Variants in TANC2 observed in about 807,000 individuals in gnomAD.
TANC2 encodes protein TANC2.
A neutral mutation model predicts 210.5 loss-of-function variants in TANC2; 26 were observed. The ratio of observed to expected loss-of-function variants is 0.12; its 90% CI spans 0.09 to 0.17. The LOEUF is 0.17. Ranked by LOEUF, TANC2 falls within the 10% of genes least tolerant of loss-of-function variation. The pLI is 1.00. For missense variants in TANC2, 2,129 were observed against 2,608.9 expected (o/e 0.82, Z 4.01); for synonymous variants, 931 against 967.1 (o/e 0.96, Z 0.69).
chr17:63,258,970 G>T (rs1054696399), intron 8 of TANC2, among the ~76,000 whole-genome samples: 1 of 152,158 alleles, frequency 6.6e-6, no homozygotes, highest in East Asian at 1.9e-4. Flanking sequence ...CTCATCCAAG[G>T]CCTGTGGCAA....
At chr17:63,023,926 A>T (rs1006886826) in intron 2 of TANC2, among the ~76,000 whole-genome samples, 3 of 152,196 alleles carry the variant, frequency 2.0e-5, no homozygotes, top group Admixed American at 6.5e-5. Flanking sequence ...CAATTCTGTA[A>T]TAGTGCTTCT....
chr17:63,271,682 C>T (rs1252460643), intron 9 of TANC2, among the ~76,000 whole-genome samples: 1 of 148,174 alleles, frequency 6.7e-6, no homozygotes, highest in Non-Finnish European at 1.5e-5. Flanking sequence ...CCATTGAGCT[C>T]TTCTTCATAA....
chr17:63,251,063 G>T (rs1303046381), intron 8 of TANC2, among the ~76,000 whole-genome samples: 2 of 152,144 alleles, frequency 1.3e-5, no homozygotes, highest in African/African-American at 2.4e-5. Flanking sequence ...AGTATCATGT[G>T]CAGGGCACTC....
chr17:63,073,808 A>C, intron 2 of TANC2, 135 bp from the exon 3 acceptor site: 1 of 855,322 alleles, frequency 1.2e-6, no homozygotes, highest in Non-Finnish European at 1.7e-6. Flanking sequence ...AAAATCCTCA[A>C]ATATTTTAAT....
exon 8 of TANC2, chr17:63,237,923 C>T: frequency 3.2e-6 from 5 of 1,584,534 alleles, no homozygotes; most frequent in Non-Finnish European, 4.3e-6. Flanking sequence ...CTCAAAAATC[C>T]AGCATGGACT....
At chr17:63,030,046 A>G (rs2034706494) in intron 2 of TANC2, among the ~76,000 whole-genome samples, 1 of 152,146 alleles carries the variant, frequency 6.6e-6, no homozygotes, top group Non-Finnish European at 1.5e-5. Flanking sequence ...ACTTTGCATT[A>G]TATCCTTAAA....
At chr17:63,193,886 A>G in intron 5 of TANC2, 105 bp from the exon 6 acceptor site, 1 of 1,264,576 alleles carries the variant, frequency 7.9e-7, no homozygotes, top group Non-Finnish European at 1.0e-6. Flanking sequence ...TTTTGAGTTA[A>G]AATGTGAAAA....
chr17:63,261,925 G>A (rs2043369275), intron 8 of TANC2, among the ~76,000 whole-genome samples: 1 of 152,146 alleles, frequency 6.6e-6, no homozygotes, highest in African/African-American at 2.4e-5. Context: ...CTTTAACTAT[G>A]TTTAGATGAT....
In TANC2 at chr17:63,014,160, T is replaced by C. The variant is rs183397707; in HGVS notation, c.67+4534T>C. On this transcript the variant is annotated intron_variant, in intron 2 of 27. Coordinates refer to ENST00000689528, the Ensembl canonical transcript of TANC2. Reference sequence around the variant, plus strand: ...ATCTGCTATCATGTCTACTGAATTTTTTTTCAATTATTGAATTTTTCAATT... The same window carrying C: ...ATCTGCTATCATGTCTACTGAATTTCTTTTCAATTATTGAATTTTTCAATT... Among the ~76,000 whole-genome samples, 186 of 152,296 alleles carry C rather than the reference T, an allele frequency of 1.2e-3. No individual in the cohort carries two copies. In the Middle Eastern group the frequency reaches 0.024, roughly 19 times the overall value.
chr17:63,051,764 C>G (rs567307253), intron 2 of TANC2, among the ~76,000 whole-genome samples: 2 of 152,182 alleles, frequency 1.3e-5, no homozygotes, highest in Admixed American at 1.3e-4. Flanking sequence ...ATGAAACAGT[C>G]AACACTTTAT....
At chr17:63,167,236 C>A (rs767116592) in intron 5 of TANC2, among the ~76,000 whole-genome samples, 64 of 152,224 alleles carry the variant, frequency 4.2e-4, no homozygotes, top group Non-Finnish European at 4.1e-4. Context: ...GGTAATAATA[C>A]CTACCTCATA....
chr17:63,340,520 T>C (rs932157258), intron 12 of TANC2, among the ~76,000 whole-genome samples, 188 bp downstream of exon 12: 5 of 152,242 alleles, frequency 3.3e-5, no homozygotes, highest in Admixed American at 1.3e-4. Context: ...CAGTAACTAC[T>C]CCTTCCTCTT....
chr17:63,238,221 G>A (rs1409295522), intron 8 of TANC2, 144 bp downstream of exon 8: 3 of 1,065,606 alleles, frequency 2.8e-6, no homozygotes, highest in Non-Finnish European at 3.9e-6. Context: ...TTTTGTGTTT[G>A]GGTAATATAC....
intron 11 of TANC2, among the ~76,000 whole-genome samples, chr17:63,324,780 C>G (rs1274409642): frequency 6.6e-6 from 1 of 152,156 alleles, no homozygotes; most frequent in Non-Finnish European, 1.5e-5. Context: ...TTTTCTACCT[C>G]TTCCACTAGA....
chr17:63,317,946 T>C (rs554490570), intron 10 of TANC2, among the ~76,000 whole-genome samples: 1 of 152,030 alleles, frequency 6.6e-6, no homozygotes, highest in African/African-American at 2.4e-5. Flanking sequence ...GCAGAAATAA[T>C]ACAGTAACAT....
At chr17:62,978,117 C>CT (rs1454869069) in intron 1 of TANC2, among the ~76,000 whole-genome samples, 1 of 151,948 alleles carries the variant, frequency 6.6e-6, no homozygotes, top group Non-Finnish European at 1.5e-5. Flanking sequence ...AGATTGTTTC[C>CT]TTTTTTTGCT....
intron 4 of TANC2, among the ~76,000 whole-genome samples, chr17:63,112,285 T>A (rs1447298562): frequency 6.6e-6 from 1 of 152,114 alleles, no homozygotes; most frequent in Non-Finnish European, 1.5e-5. Context: ...AAGCAGACCC[T>A]AAAGATTAGG....
exon 12 of TANC2, chr17:63,340,195 C>T (rs745904981): frequency 6.2e-7 from 1 of 1,613,934 alleles, no homozygotes; most frequent in Non-Finnish European, 8.5e-7. Context: ...TGCCGCTCAC[C>T]TCAGCTGACA....
intron 8 of TANC2, among the ~76,000 whole-genome samples, chr17:63,259,530 G>T (rs1196101781): frequency 6.6e-6 from 1 of 152,084 alleles, no homozygotes; most frequent in African/African-American, 2.4e-5. Context: ...TTCCCTCGTA[G>T]GCTTTTTTCC....
Sources: gnomAD v4.1 joint callset for allele counts (sites outside exome capture counted in the v4.1 genomes callset) on GRCh38, gnomAD v4.1.1 for gene constraint, MANE v1.5 for transcripts, NCBI Gene and HGNC (gene_info 2026-07-23, HGNC 2026-07-21) for gene names.